The following NNT variants were observed in gnomAD, a reference collection of about 807,000 sequenced individuals.
The protein encoded by NNT is nicotinamide nucleotide transhydrogenase, also known as NAD(P) transhydrogenase, mitochondrial.
A neutral mutation model predicts 104.8 loss-of-function variants in NNT; 50 were observed. That is an observed-to-expected ratio of 0.48 (90% CI 0.38 to 0.60). The LOEUF (loss-of-function observed/expected upper bound fraction) is 0.60. Ranked by LOEUF, NNT falls within the 20% of genes least tolerant of loss-of-function variation. The pLI is 0.00. For missense variants in NNT, 1,131 were observed against 1,330.7 expected (o/e 0.85, Z 2.33); for synonymous variants, 461 against 490.4 (o/e 0.94, Z 0.79).
chr5:43,671,488 A>G (rs1395873741), intron 17 of NNT, among the ~76,000 whole-genome samples: 2 of 152,190 alleles, frequency 1.3e-5, no homozygotes, highest in Non-Finnish European at 2.9e-5. Context: ...GGCGGTGACA[A>G]AATCTCTCAG....
At chr5:43,697,232 A>G (rs1002954810) in intron 19 of NNT, among the ~76,000 whole-genome samples, 59 of 152,274 alleles carry the variant, frequency 3.9e-4, no homozygotes, top group African/African-American at 1.4e-3. Flanking sequence ...ATCTCACTCA[A>G]GTTCAAAGTT....
At position 43,645,449 on chromosome 5, in the gene NNT, A is replaced by G. The variant is rs201999370; in HGVS notation, c.1383A>G (p.Glu461=). 6.3e-7 allele frequency: 1 copy of G among 1,577,186 alleles called. No homozygotes were observed. Among genetic ancestry groups the G allele is most frequent in the African/African-American group, 1.4e-5 (1 of 73,382 alleles). ...AGACAGTGGCTGAGCTGGAAGCTGA[A>G]AAAGCAGCTACCATTACACCCTTCA... The part of the protein sequence containing the change: ...KQKTVAELEA[E]KAATITPFRK... Residue 461 remains glutamate, a synonymous_variant, in exon 10 of 22, where the codon GAA becomes GAG. Coordinates refer to ENST00000344920, the MANE Select transcript of NNT (RefSeq NM_182977.3).
rs1481745510 is a variant in NNT at position 43,649,274 on chromosome 5, C to T, written c.1572C>T (p.His524=). 10 of 1,614,076 alleles carry T rather than the reference C, an allele frequency of 6.2e-6. No homozygotes were observed. The highest frequency in any genetic ancestry group is 1.3e-5 in the African/African-American group (1 of 74,926). The part of the protein sequence containing the change: ...HTVWGVTPAL[H]SPLMSVTNAI... ...TCTGGGGAGTGACCCCTGCTCTCCACTCACCACTGATGTCTGTGACAAATG... is the reference window on the plus strand; with the variant it reads ...TCTGGGGAGTGACCCCTGCTCTCCATTCACCACTGATGTCTGTGACAAATG... Residue 524 remains histidine (H), a synonymous_variant, in exon 11 of 22, where the codon CAC becomes CAT. Transcript: ENST00000344920.
At position 43,686,779 on chromosome 5, in the gene NNT, C is replaced by T. The variant is rs1240982956; in HGVS notation, c.2876+8973C>T. On this transcript the variant is annotated intron_variant, in intron 19 of 21. Coordinates refer to ENST00000344920, the MANE Select transcript of NNT (RefSeq NM_182977.3). ...GTCTGCCAGGTGTTGGCCTAAAGCA[C>T]TTTGTATGAAAAGCTTTTTATACAA... Among the ~76,000 whole-genome samples, 5 of 152,198 alleles carry T rather than the reference C, an allele frequency of 3.3e-5. 1 individual carries two copies. The South Asian group carries it at 1.0e-3, about 32-fold the overall frequency.
In NNT at chr5:43,611,355, T is replaced by A. The variant is rs1009325744; in HGVS notation, c.152-1553T>A. On this transcript the variant is annotated intron_variant, in intron 2 of 21. Coordinates refer to ENST00000344920, the MANE Select transcript of NNT (RefSeq NM_182977.3). Reference sequence around the variant, plus strand: ...TTGTATGTGCTTAAATTATCTCTTATTTGGTCAGTGGAAGCCCTTTCAAAT... The same window carrying A: ...TTGTATGTGCTTAAATTATCTCTTAATTGGTCAGTGGAAGCCCTTTCAAAT... Among the ~76,000 whole-genome samples, 3 of 152,200 alleles carry A rather than the reference T, an allele frequency of 2.0e-5. No individual in the cohort carries two copies. In the East Asian group the frequency reaches 5.8e-4, roughly 29 times the overall value.
intron 19 of NNT, among the ~76,000 whole-genome samples, chr5:43,689,042 C>A (rs1421722062): frequency 6.6e-6 from 1 of 152,202 alleles, no homozygotes; most frequent in African/African-American, 2.4e-5. Context: ...TTCACTACAT[C>A]CCCACCAACC....
chr5:43,613,174 C>T, intron 3 of NNT, 37 bp downstream of exon 3: 1 of 1,487,020 alleles, frequency 6.7e-7, no homozygotes, highest in Non-Finnish European at 9.2e-7. Context: ...TTACAGCATG[C>T]TGACTTTTTG....
chr5:43,640,308 GT>G (rs1275245556), intron 7 of NNT, among the ~76,000 whole-genome samples: 1 of 151,976 alleles, frequency 6.6e-6, no homozygotes, highest in African/African-American at 2.4e-5. Context: ...TGTATTCCAT[GT>G]TTAGTTATGC....
chr5:43,657,881 TC>T (rs377454958), intron 16 of NNT, among the ~76,000 whole-genome samples: 5 of 152,284 alleles, frequency 3.3e-5, no homozygotes, highest in African/African-American at 1.2e-4. Context: ...ATGACTGTAA[TC>T]CCAGCACTTT....
chr5:43,677,357 C>T (rs967273317), intron 18 of NNT, among the ~76,000 whole-genome samples: 29 of 150,894 alleles, frequency 1.9e-4, no homozygotes, highest in Admixed American at 1.3e-4. Flanking sequence ...GACAGGGGAC[C>T]GCAGTGTCGT....
chr5:43,690,021 T>G (rs1327302939), intron 19 of NNT, among the ~76,000 whole-genome samples: 2 of 152,038 alleles, frequency 1.3e-5, no homozygotes, highest in African/African-American at 4.8e-5. Context: ...GGAACTATAT[T>G]AAACATCTAA....
At chr5:43,669,693 T>C (rs1740937769) in intron 17 of NNT, among the ~76,000 whole-genome samples, 1 of 152,220 alleles carries the variant, frequency 6.6e-6, no homozygotes. Context: ...GAGTGTTTTA[T>C]TGAGGATTTT....
chr5:43,682,557 G>A (rs150942200), intron 19 of NNT, among the ~76,000 whole-genome samples: 286 of 152,292 alleles, frequency 1.9e-3, no homozygotes, highest in African/African-American at 6.3e-3. Flanking sequence ...GATAAACAAA[G>A]TCCAGCCTTC....
intron 17 of NNT, among the ~76,000 whole-genome samples, chr5:43,671,913 A>G (rs1363120336): frequency 2.0e-5 from 3 of 152,178 alleles, no homozygotes; most frequent in Non-Finnish European, 2.9e-5. Flanking sequence ...CATCACTTTC[A>G]GGTACACCAA....
intron 10 of NNT, among the ~76,000 whole-genome samples, chr5:43,646,602 G>T (rs1175498376): frequency 6.6e-6 from 1 of 152,032 alleles, no homozygotes; most frequent in African/African-American, 2.4e-5. Flanking sequence ...GTATTGAGAA[G>T]TGATGTATGC....
chr5:43,670,749 G>A (rs1257782707), intron 17 of NNT, among the ~76,000 whole-genome samples: 1 of 152,224 alleles, frequency 6.6e-6, no homozygotes, highest in Non-Finnish European at 1.5e-5. Flanking sequence ...TGAGAAGAAT[G>A]TGTATTCTGT....
intron 19 of NNT, among the ~76,000 whole-genome samples, chr5:43,686,083 T>C (rs551634768): frequency 6.6e-6 from 1 of 152,278 alleles, no homozygotes; most frequent in East Asian, 1.9e-4. Context: ...GAAGATCAGG[T>C]TGTTTCATTT....
At chr5:43,632,759 A>G (rs192634037) in intron 7 of NNT, among the ~76,000 whole-genome samples, 96 of 152,262 alleles carry the variant, frequency 6.3e-4, no homozygotes, top group Non-Finnish European at 1.1e-3. Flanking sequence ...CTGTCTGGTA[A>G]TGTTCAGGCT....
At chr5:43,696,020 C>A (rs1742539728) in intron 19 of NNT, among the ~76,000 whole-genome samples, 1 of 152,110 alleles carries the variant, frequency 6.6e-6, no homozygotes, top group African/African-American at 2.4e-5. Context: ...TGGCCCCTCC[C>A]AAATCTCATA....
Sources: gnomAD v4.1 joint callset for allele counts (sites outside exome capture counted in the v4.1 genomes callset) on GRCh38, gnomAD v4.1.1 for gene constraint, MANE v1.5 for transcripts, NCBI Gene and HGNC (gene_info 2026-07-23, HGNC 2026-07-21) for gene names.